Variants in SLC38A10 observed in about 807,000 individuals in gnomAD.
The protein encoded by SLC38A10 is Sodium-coupled neutral amino acid transporter 10.
Under a neutral mutation model 81.0 loss-of-function variants are expected in SLC38A10, and 53 were observed. The observed-to-expected ratio is 0.65, with a 90% CI of 0.53 to 0.82. SLC38A10 has a LOEUF of 0.82. Ranked by LOEUF, SLC38A10 falls within the 40% of genes least tolerant of loss-of-function variation. The pLI is 0.00. For synonymous variants in SLC38A10, 665 were observed against 655.3 expected (o/e 1.01, Z -0.23); for missense variants, 1,471 against 1,545.0 (o/e 0.95, Z 0.80).
intron 10 of SLC38A10, among the ~76,000 whole-genome samples, chr17:81,262,578 C>T (rs1480827942): frequency 6.6e-6 from 1 of 152,242 alleles, no homozygotes; most frequent in Admixed American, 6.5e-5. Flanking sequence ...AAATTTATCT[C>T]CCTACTTGGA....
At chr17:81,250,378 CG>C (rs1213665123) in intron 14 of SLC38A10, among the ~76,000 whole-genome samples, 8 of 152,250 alleles carry the variant, frequency 5.3e-5, no homozygotes, top group Non-Finnish European at 1.2e-4. Flanking sequence ...CAGGCCGCAG[CG>C]ACTGGGACGT....
chr17:81,260,166 C>T lies in SLC38A10; in HGVS notation c.1288+72G>A, dbSNP rs1227312634. 31 of 1,505,684 alleles carry T rather than the reference C, an allele frequency of 2.1e-5. No individual in the cohort carries two copies. The East Asian group carries it at 5.3e-4, about 26-fold the overall frequency. 93.3% of individuals were successfully genotyped at this position (1,505,684 alleles called of 1,614,324 possible). On this transcript the variant is annotated intron_variant, in intron 11 of 15. Coordinates refer to ENST00000374759, the MANE Select transcript of SLC38A10 (RefSeq NM_001037984.3). ...GGCCACTGAGCAGGTAAGCACAATC[C>T]TCGGACCAGACCCAGGAGACACCCA...
At chr17:81,285,062 CT>C (rs1305804390) in intron 2 of SLC38A10, 167 bp from the exon 3 acceptor site, 2 of 505,066 alleles carry the variant, frequency 4.0e-6, no homozygotes, top group Non-Finnish European at 7.1e-6. Flanking sequence ...ATTTTTGGAT[CT>C]ACTGTCTGCA....
chr17:81,272,389 G>GTA (rs1158418054), intron 9 of SLC38A10, 127 bp downstream of exon 9: 1 of 512,524 alleles, frequency 2.0e-6, no homozygotes, highest in Non-Finnish European at 3.3e-6. Context: ...AACTGACAAA[G>GTA]TCTCTAGACT....
intron 11 of SLC38A10, among the ~76,000 whole-genome samples, chr17:81,254,134 C>T (rs547274916): frequency 6.6e-6 from 1 of 152,238 alleles, no homozygotes; most frequent in African/African-American, 2.4e-5. Context: ...CATATGTCCA[C>T]TGAGACAGGC....
intron 14 of SLC38A10, chr17:81,250,040 T>G: frequency 1.6e-6 from 2 of 1,287,310 alleles, no homozygotes; most frequent in Non-Finnish European, 2.0e-6. Context: ...GACAGGCTCT[T>G]GACTTCAGCA....
intron 11 of SLC38A10, among the ~76,000 whole-genome samples, chr17:81,257,312 T>C (rs9894660): frequency 0.34 from 52,379 of 151,958 alleles, 10,045 homozygotes; most frequent in African/African-American, 0.5. Flanking sequence ...GCTGGGCTGG[T>C]CTCAAACTCC....
chr17:81,276,922 A>T lies in SLC38A10; in HGVS notation c.729+109T>A, dbSNP rs751746231. On this transcript the variant is annotated intron_variant, in intron 7 of 15. Coordinates refer to ENST00000374759, the MANE Select transcript of SLC38A10 (RefSeq NM_001037984.3). This position sits in a 1 kb window ranked among gnomAD's most constrained non-coding sequence, Gnocchi z 4.7. ...CACTGGGATGGGAACAGAGAGAAAA[A>T]CCCAGCAGCACACAGGGCCAGGGCC... 48 of 1,122,082 alleles carry T rather than the reference A, an allele frequency of 4.3e-5. No individual in the cohort carries two copies. Among genetic ancestry groups the T allele is most frequent in the Non-Finnish European group, 6.3e-5 (47 of 751,840 alleles). The allele number at this position is 1,122,082 out of a possible 1,614,324, so 69.5% of individuals were successfully genotyped here. A position where few individuals can be genotyped will look rare whatever the true frequency, so the allele number is the denominator to read the frequency against.
At position 81,282,347 on chromosome 17, in the gene SLC38A10, C is replaced by T; in HGVS notation, c.358-15G>A. ...GTGCCGCCCACCTGCGGGGAGCCGG[C>T]AGGGGGTCTTGGCCACAGCCCGTGC... On this transcript the variant is annotated splice_polypyrimidine_tract_variant and intron_variant, in intron 4 of 15. Transcript: ENST00000374759. 6.3e-7 allele frequency: 1 copy of T among 1,599,040 alleles called. No individual in the cohort carries two copies. Among genetic ancestry groups the T allele is most frequent in the Non-Finnish European group, 8.5e-7 (1 of 1,173,322 alleles).
At chr17:81,256,052 G>A (rs905799650) in intron 11 of SLC38A10, among the ~76,000 whole-genome samples, 1 of 152,234 alleles carries the variant, frequency 6.6e-6, no homozygotes, top group African/African-American at 2.4e-5. Flanking sequence ...TGCCAGGAAT[G>A]CTGTGTTTAT....
intron 4 of SLC38A10, among the ~76,000 whole-genome samples, chr17:81,282,890 C>T (rs1284839209): frequency 1.3e-5 from 2 of 152,202 alleles, no homozygotes; most frequent in Non-Finnish European, 2.9e-5. Context: ...TGTTAGCACC[C>T]TAACGTGCCG....
At chr17:81,275,031 G>C (rs764044633) in intron 8 of SLC38A10, among the ~76,000 whole-genome samples, 1 of 152,104 alleles carries the variant, frequency 6.6e-6, no homozygotes, top group Admixed American at 6.5e-5. Context: ...TCAGCCTCCC[G>C]AGTCACTAGG....
intron 11 of SLC38A10, among the ~76,000 whole-genome samples, chr17:81,257,333 T>A (rs1035828843): frequency 2.6e-5 from 4 of 152,162 alleles, no homozygotes; most frequent in South Asian, 2.1e-4. Context: ...TGACCTCAGG[T>A]GATCCTCCTG....
At position 81,246,082 on chromosome 17, in the gene SLC38A10, G is replaced by A. The variant is rs1173910733; in HGVS notation, c.2834C>T (p.Ala945Val). 8 of 1,608,200 alleles carry A rather than the reference G, an allele frequency of 5.0e-6. No individual in the cohort carries two copies. The highest frequency in any genetic ancestry group is 4.0e-5 in the African/African-American group (3 of 74,926). The change falls in exon 16 of 16, where the codon GCG becomes GTG. Residue 945 changes from alanine (A) to valine (V), a missense_variant. By Grantham distance (64) the Ala-to-Val change is moderately conservative (BLOSUM62 0). This residue lies in a region of SLC38A10 where 751 missense variants were observed against 717.4 expected (regional missense o/e 1.05). Transcript: ENST00000374759. ...CTGGGGCTGTGCAGCTGCTCCTTCC[G>A]CCCCACCGGGCAGGTCCGCTGCAAG... ...LGLAADLPGG[A>V]EGAAAQPQAV...
chr17:81,285,466 C>G (rs1254582289), intron 2 of SLC38A10: 1 of 152,318 alleles, frequency 6.6e-6, no homozygotes, highest in Non-Finnish European at 1.5e-5. Flanking sequence ...ACGTGGACAG[C>G]TAATGAGGAG....
intron 10 of SLC38A10, among the ~76,000 whole-genome samples, chr17:81,262,507 C>T (rs1446655230): frequency 6.6e-6 from 1 of 152,352 alleles, no homozygotes; most frequent in South Asian, 2.1e-4. Flanking sequence ...GTGCTAAGTG[C>T]ATCTCACATT....
At chr17:81,259,699 G>A (rs1271221020) in intron 11 of SLC38A10, among the ~76,000 whole-genome samples, 1 of 152,134 alleles carries the variant, frequency 6.6e-6, no homozygotes, top group Non-Finnish European at 1.5e-5. Context: ...CTGCGGCCGG[G>A]ACTCTGCCAC....
In SLC38A10 at chr17:81,265,252, C is replaced by T. The variant is rs139610041; in HGVS notation, c.1132-4858G>A. 3,365 of 152,286 alleles carry T rather than the reference C, an allele frequency of 0.022. 56 individuals carry two copies. Among genetic ancestry groups the T allele is most frequent in the Non-Finnish European group, 0.032 (2,212 of 68,114 alleles). The allele number at this position is 152,286 out of a possible 1,614,324, so 9.4% of individuals were successfully genotyped here. ...ACAAAAAATTAGCCAGGTGTGGTGG[C>T]GCACGCCTGTAATCCCAGCTACTCG... is the stretch of plus-strand genomic sequence containing the variant. On this transcript the variant is annotated intron_variant, in intron 10 of 15. Transcript: ENST00000374759. The surrounding 1 kb of genome is among the most constrained non-coding windows in gnomAD (Gnocchi z 4.2).
Position 81,251,603 on chromosome 17 carries a change from G to A in SLC38A10, c.1955C>T (p.Pro652Leu), listed in dbSNP as rs753613474. The A allele has an allele frequency of 4.7e-6, 7 of 1,491,568 alleles. No individual in the cohort carries two copies. The South Asian group carries it at 6.7e-5, about 14-fold the overall frequency. The allele number at this position is 1,491,568 out of a possible 1,614,324, so 92.4% of individuals were successfully genotyped here. ...PAEDSDHGGK[P>L]PLPAEKPAPG... ...AGCCGGCTTCTCCGCTGGGAGGGGAGGCTTCCCACCTGCACACACGGTGAA... is the reference window on the plus strand; with the variant it reads ...AGCCGGCTTCTCCGCTGGGAGGGGAAGCTTCCCACCTGCACACACGGTGAA... Residue 652 changes from proline to leucine, a missense_variant, in exon 14 of 16, where the codon CCT becomes CTT. Coordinates refer to ENST00000374759, the MANE Select transcript of SLC38A10 (RefSeq NM_001037984.3).
Sources: gnomAD v4.1 joint callset for allele counts (sites outside exome capture counted in the v4.1 genomes callset) on GRCh38, gnomAD v4.1.1 for gene constraint, gnomAD v4.1.1 regional missense constraint, Gnocchi (gnomAD v3.1) non-coding constraint, MANE v1.5 for transcripts, NCBI Gene and HGNC (gene_info 2026-07-23, HGNC 2026-07-21) for gene names.